The following PTPN13 variants were observed in gnomAD, a reference collection of about 807,000 sequenced individuals.
The protein encoded by PTPN13 is protein tyrosine phosphatase non-receptor type 13, also known as tyrosine-protein phosphatase non-receptor type 13.
A neutral mutation model predicts 284.0 loss-of-function variants in PTPN13; 191 were observed. The observed-to-expected ratio is 0.67, with a 90% CI of 0.60 to 0.76. The LOEUF (loss-of-function observed/expected upper bound fraction) is 0.76, where lower values mean the gene tolerates loss of function less well. PTPN13 is among the 30% of genes least tolerant of loss of function. PTPN13 has a pLI of 0.00. For synonymous variants in PTPN13, 986 were observed against 1,022.3 expected (o/e 0.96, Z 0.68); for missense variants, 2,797 against 2,939.9 (o/e 0.95, Z 1.12).
At position 86,668,646 on chromosome 4, in the gene PTPN13, AGTGCAGTGGT is replaced by A. The variant is rs1270724462; in HGVS notation, c.116-3715_116-3706del. On this transcript the variant is annotated intron_variant, in intron 2 of 47. Coordinates refer to ENST00000411767, the MANE Select transcript of PTPN13 (RefSeq NM_080683.3). ...AGTCTCACTCTGTCACCCAGGCTGG[AGTGCAGTGGT>A]GTGATCTTGGCTTACTGCAACCTCT... Among the ~76,000 whole-genome samples, 45 of 151,514 alleles carry A rather than the reference AGTGCAGTGGT, an allele frequency of 3.0e-4. 1 individual carries two copies. The East Asian group carries it at 8.6e-3, about 29-fold the overall frequency.
intron 1 of PTPN13, among the ~76,000 whole-genome samples, chr4:86,627,330 TA>T (rs1161542423): frequency 2.0e-5 from 3 of 151,668 alleles, no homozygotes; most frequent in South Asian, 2.1e-4. Flanking sequence ...TTTACCACAA[TA>T]AAAAAAATGA....
chr4:86,653,767 C>A (rs999905895), intron 2 of PTPN13, among the ~76,000 whole-genome samples: 5 of 152,018 alleles, frequency 3.3e-5, no homozygotes, highest in Admixed American at 3.3e-4. Context: ...TTTTAAAAAA[C>A]TAAGAAGAAA....
intron 15 of PTPN13, among the ~76,000 whole-genome samples, chr4:86,737,511 T>C (rs1468391825): frequency 6.6e-6 from 1 of 152,078 alleles, no homozygotes; most frequent in African/African-American, 2.4e-5. Context: ...AAATATTTAC[T>C]ATCTGGCCCT....
At chr4:86,730,129 C>G (rs1218345403) in intron 10 of PTPN13, among the ~76,000 whole-genome samples, 1 of 149,678 alleles carries the variant, frequency 6.7e-6, no homozygotes, top group Non-Finnish European at 1.5e-5. Context: ...ACTCCAGACC[C>G]TGTTTGCCTG....
intron 4 of PTPN13, 22 bp downstream of exon 4, chr4:86,686,797 GT>G: frequency 6.7e-7 from 1 of 1,502,786 alleles, no homozygotes; most frequent in Non-Finnish European, 9.1e-7. Context: ...TTTTACAGTT[GT>G]TATACTTTTT....
chr4:86,643,572 G>GT (rs1724069622), intron 2 of PTPN13, among the ~76,000 whole-genome samples: 1 of 152,014 alleles, frequency 6.6e-6, no homozygotes, highest in South Asian at 2.1e-4. Context: ...ATTATGTTCT[G>GT]TTTTTTATAC....
intron 15 of PTPN13, among the ~76,000 whole-genome samples, chr4:86,737,231 C>T (rs577822823): frequency 6.9e-6 from 1 of 144,556 alleles, no homozygotes; most frequent in South Asian, 2.3e-4. Context: ...GAACAAGACC[C>T]CATCTCAAAT....
chr4:86,741,769 T>C lies in PTPN13; in HGVS notation c.2440T>C (p.Leu814=). 3.1e-6 allele frequency: 5 copies of C among 1,612,424 alleles called. No homozygotes were observed. Among genetic ancestry groups the C allele is most frequent in the Non-Finnish European group, 4.2e-6 (5 of 1,179,124 alleles). The change falls in exon 16 of 48, where the codon TTG becomes CTG. Residue 814 remains leucine (L), a synonymous_variant. Transcript: ENST00000411767. ...TGAAGTTCACAATGGAGTGCGCACA[T>C]TGGTCCTTCGCTTTCCATGGAGGGA... The part of the protein sequence containing the change: ...VFEVHNGVRT[L]VLRFPWRETK...
intron 5 of PTPN13, chr4:86,689,899 T>C (rs1729851050): frequency 5.2e-6 from 3 of 578,220 alleles, no homozygotes; most frequent in East Asian, 2.8e-5. Context: ...GTTGTAGTCC[T>C]GGAGTGTTGG....
chr4:86,713,090 C>A (rs1732623011), intron 7 of PTPN13, among the ~76,000 whole-genome samples: 1 of 152,012 alleles, frequency 6.6e-6, no homozygotes, highest in African/African-American at 2.4e-5. Context: ...GGCATAACAT[C>A]CAAGTGACTA....
chr4:86,596,692 G>A (rs1206190767), intron 1 of PTPN13, among the ~76,000 whole-genome samples: 1 of 152,184 alleles, frequency 6.6e-6, no homozygotes, highest in African/African-American at 2.4e-5. Context: ...ATGGGGAAGT[G>A]TTGTAGCTTC....
intron 3 of PTPN13, among the ~76,000 whole-genome samples, chr4:86,680,347 C>CTCTATCTA (rs56694637): frequency 0.03 from 4,264 of 142,602 alleles, 87 homozygotes; most frequent in Non-Finnish European, 0.032. Flanking sequence ...TTCTATCTAT[C>CTCTATCTA]TCTATCTATC....
At chr4:86,604,831 A>C (rs988934637) in intron 1 of PTPN13, among the ~76,000 whole-genome samples, 6 of 152,052 alleles carry the variant, frequency 3.9e-5, no homozygotes, top group African/African-American at 1.2e-4. Flanking sequence ...GAAATATTGA[A>C]AAATAAAAGT....
chr4:86,639,947 G>A (rs1388690537), intron 2 of PTPN13, among the ~76,000 whole-genome samples: 1 of 152,142 alleles, frequency 6.6e-6, no homozygotes, highest in East Asian at 1.9e-4. Flanking sequence ...GCATGCTAAA[G>A]TTTGAGAACC....
intron 16 of PTPN13, among the ~76,000 whole-genome samples, chr4:86,744,116 C>T (rs1355234244): frequency 6.6e-6 from 1 of 152,132 alleles, no homozygotes; most frequent in East Asian, 1.9e-4. Flanking sequence ...CTATATTTGG[C>T]ACAAATCACC....
At chr4:86,730,286 G>A (rs1734785108) in intron 10 of PTPN13, among the ~76,000 whole-genome samples, 1 of 149,472 alleles carries the variant, frequency 6.7e-6, no homozygotes, top group African/African-American at 2.4e-5. Context: ...AGGGGTCATG[G>A]ACCCATTCTC....
intron 10 of PTPN13, 146 bp from the exon 11 acceptor site, chr4:86,732,254 T>G (rs1371748846): frequency 1.6e-6 from 1 of 643,158 alleles, no homozygotes; most frequent in Non-Finnish European, 2.6e-6. Context: ...TCATGAAAGC[T>G]TCAACGTTTG....
At chr4:86,770,390 TAATTTATTC>T (rs1474628566) in intron 30 of PTPN13, among the ~76,000 whole-genome samples, 191 bp downstream of exon 30, 1 of 152,224 alleles carries the variant, frequency 6.6e-6, no homozygotes, top group African/African-American at 2.4e-5. Context: ...TAATACAAAG[TAATTTATTC>T]AATTTATTTA....
intron 2 of PTPN13, among the ~76,000 whole-genome samples, chr4:86,659,977 C>G (rs975691896): frequency 6.6e-6 from 1 of 152,094 alleles, no homozygotes; most frequent in Non-Finnish European, 1.5e-5. Context: ...CATATGAAAA[C>G]TGTGAGTACT....
Sources: gnomAD v4.1 joint callset for allele counts (sites outside exome capture counted in the v4.1 genomes callset) on GRCh38, gnomAD v4.1.1 for gene constraint, MANE v1.5 for transcripts, NCBI Gene and HGNC (gene_info 2026-07-23, HGNC 2026-07-21) for gene names.